ASAP1: variants seen among roughly 807,000 people sequenced by gnomAD.
ASAP1 encodes the protein ArfGAP with SH3 domain, ankyrin repeat and PH domain 1.
Under a neutral mutation model 145.2 loss-of-function variants are expected in ASAP1, and 43 were observed. The ratio of observed to expected loss-of-function variants is 0.30; its 90% CI spans 0.23 to 0.38. The LOEUF (loss-of-function observed/expected upper bound fraction) is 0.38. Among genes scored for constraint, ASAP1 ranks in the 10% least tolerant of loss-of-function variants. The pLI is 1.00. For synonymous variants in ASAP1, 546 were observed against 515.5 expected, an observed-to-expected ratio of 1.06 and a Z score of -0.80; for missense variants, 1,018 against 1,355.3, an observed-to-expected ratio of 0.75 and a Z score of 3.91.
At chr8:130,118,063 A>G in intron 20 of ASAP1, 98 bp downstream of exon 20, 2 of 982,836 alleles carry the variant, frequency 2.0e-6, no homozygotes, top group Non-Finnish European at 3.0e-6. Context: ...GACACAGAAA[A>G]AGCTTGCCAA....
chr8:130,185,190 T>A (rs1170543479), intron 7 of ASAP1, among the ~76,000 whole-genome samples: 1 of 152,190 alleles, frequency 6.6e-6, no homozygotes, highest in Non-Finnish European at 1.5e-5. Flanking sequence ...GAAGTCTATC[T>A]CAGGAAAATT....
intron 3 of ASAP1, among the ~76,000 whole-genome samples, chr8:130,355,856 C>T (rs79376657): frequency 0.021 from 3,184 of 152,136 alleles, 31 homozygotes; most frequent in Middle Eastern, 0.041. Flanking sequence ...ATATGCCGAC[C>T]GGAGACAATG....
At chr8:130,135,371 C>T (rs774404372) in intron 14 of ASAP1, among the ~76,000 whole-genome samples, 10 of 151,960 alleles carry the variant, frequency 6.6e-5, no homozygotes, top group Non-Finnish European at 1.0e-4. Flanking sequence ...ACCTGTGGTC[C>T]CAGCTACTTG....
At chr8:130,204,637 C>T (rs1816086271) in intron 5 of ASAP1, among the ~76,000 whole-genome samples, 1 of 152,146 alleles carries the variant, frequency 6.6e-6, no homozygotes, top group Admixed American at 6.5e-5. Flanking sequence ...AACTACAACA[C>T]CTAGGAAAGC....
intron 9 of ASAP1, among the ~76,000 whole-genome samples, chr8:130,175,180 G>A (rs1443290649): frequency 6.6e-6 from 1 of 152,164 alleles, no homozygotes; most frequent in Non-Finnish European, 1.5e-5. Context: ...ACCGACTAAT[G>A]ATGTTGAGCA....
intron 3 of ASAP1, among the ~76,000 whole-genome samples, chr8:130,323,163 A>C (rs1384964224): frequency 6.6e-6 from 1 of 152,214 alleles, no homozygotes; most frequent in East Asian, 1.9e-4. Flanking sequence ...TGGTAGTATT[A>C]AGACTCCGTT....
At chr8:130,174,178 T>C (rs1813793830) in intron 9 of ASAP1, among the ~76,000 whole-genome samples, 1 of 150,532 alleles carries the variant, frequency 6.6e-6, no homozygotes, top group African/African-American at 2.4e-5. Flanking sequence ...CTATACGTGG[T>C]AACCTTGGGC....
At chr8:130,176,980 G>A (rs902808522) in intron 9 of ASAP1, among the ~76,000 whole-genome samples, 12 of 151,996 alleles carry the variant, frequency 7.9e-5, no homozygotes, top group African/African-American at 2.7e-4. Flanking sequence ...GTGAGCCACC[G>A]CGCCCAGCCG....
intron 3 of ASAP1, among the ~76,000 whole-genome samples, chr8:130,260,762 C>T (rs948917026): frequency 2.6e-5 from 4 of 152,152 alleles, no homozygotes; most frequent in Non-Finnish European, 4.4e-5. Flanking sequence ...GAACCACTTG[C>T]GCTCTCCAGC....
At chr8:130,225,214 C>T (rs1164839850) in intron 4 of ASAP1, among the ~76,000 whole-genome samples, 1 of 152,076 alleles carries the variant, frequency 6.6e-6, no homozygotes, top group Non-Finnish European at 1.5e-5. Context: ...ATATTTCTTC[C>T]ACTTGTCTTG....
intron 24 of ASAP1, among the ~76,000 whole-genome samples, chr8:130,101,448 A>G (rs2097528566): frequency 6.6e-6 from 1 of 151,798 alleles, no homozygotes; most frequent in African/African-American, 2.4e-5. Flanking sequence ...TGTCCCCTTC[A>G]ATTTCTTTTA....
intron 9 of ASAP1, among the ~76,000 whole-genome samples, chr8:130,175,399 T>C (rs1425417781): frequency 6.6e-6 from 1 of 152,134 alleles, no homozygotes. Flanking sequence ...TTTTTATTTT[T>C]ATTTTTTGTA....
At chr8:130,304,126 A>G (rs1474744923) in intron 3 of ASAP1, among the ~76,000 whole-genome samples, 3 of 152,144 alleles carry the variant, frequency 2.0e-5, no homozygotes, top group Non-Finnish European at 4.4e-5. Context: ...TCTTTAAAAA[A>G]AAACTCTACA....
At chr8:130,359,197 A>G (rs979558553) in intron 2 of ASAP1, among the ~76,000 whole-genome samples, 12 of 151,864 alleles carry the variant, frequency 7.9e-5, no homozygotes, top group African/African-American at 2.9e-4. Context: ...ATAATTTTCT[A>G]ATCTTTCATT....
At chr8:130,157,028 C>T (rs2097659499) in intron 12 of ASAP1, among the ~76,000 whole-genome samples, 2 of 152,152 alleles carry the variant, frequency 1.3e-5, no homozygotes, top group Admixed American at 6.5e-5. Flanking sequence ...TACATTGTTG[C>T]TCATAATGGA....
At chr8:130,428,951 C>T (rs1191151883) in intron 1 of ASAP1, among the ~76,000 whole-genome samples, 3 of 152,332 alleles carry the variant, frequency 2.0e-5, no homozygotes, top group African/African-American at 7.2e-5. Flanking sequence ...CAGGGCCACA[C>T]CCTCTCCGGT....
At chr8:130,436,184 G>A (rs956461539) in intron 1 of ASAP1, among the ~76,000 whole-genome samples, 2 of 152,224 alleles carry the variant, frequency 1.3e-5, no homozygotes, top group African/African-American at 4.8e-5. Flanking sequence ...AGGCTGAACT[G>A]AAAGAGAACT....
intron 2 of ASAP1, among the ~76,000 whole-genome samples, chr8:130,394,436 G>C (rs149353384): frequency 6.6e-6 from 1 of 152,062 alleles, no homozygotes. Context: ...TGGTCAGACC[G>C]GTTGCTCTCA....
intron 2 of ASAP1, among the ~76,000 whole-genome samples, chr8:130,401,145 G>T (rs1237988636): frequency 2.0e-5 from 3 of 152,160 alleles, no homozygotes; most frequent in Admixed American, 1.3e-4. Flanking sequence ...GCCTCCCAAA[G>T]TGCCAGGATT....
Sources: gnomAD v4.1 joint callset for allele counts (sites outside exome capture counted in the v4.1 genomes callset) on GRCh38, gnomAD v4.1.1 for gene constraint, MANE v1.5 for transcripts, NCBI Gene and HGNC (gene_info 2026-07-23, HGNC 2026-07-21) for gene names.